The following CPA4 variants were observed in gnomAD, a reference collection of about 807,000 sequenced individuals.
CPA4 encodes the protein carboxypeptidase A4, also known as carboxypeptidase A3.
A neutral mutation model predicts 54.7 loss-of-function variants in CPA4; 49 were observed. The ratio of observed to expected loss-of-function variants is 0.90; its 90% CI spans 0.71 to 1.14. CPA4 has a LOEUF of 1.14. CPA4 is among the 50% of genes most tolerant of loss of function. CPA4 has a pLI of 0.00. For missense variants in CPA4, 487 were observed against 525.1 expected, an observed-to-expected ratio of 0.93 and a Z score of 0.71; for synonymous variants, 215 against 206.8, an observed-to-expected ratio of 1.04 and a Z score of -0.34.
intron 1 of CPA4, among the ~76,000 whole-genome samples, chr7:130,297,342 C>A (rs76598933): frequency 6.6e-6 from 1 of 152,118 alleles, no homozygotes; most frequent in African/African-American, 2.4e-5. Context: ...CTTCCCAGGG[C>A]GGTAGGTCCA....
At position 130,310,702 on chromosome 7, in the gene CPA4, T is replaced by C. The variant is rs1025194591; in HGVS notation, c.794-85T>C. On this transcript the variant is annotated intron_variant, in intron 8 of 10. Transcript: ENST00000222482. The surrounding 1 kb of genome is among the most constrained non-coding windows in gnomAD (Gnocchi z 4.3). ...CCATGGCCTGCCCATTCCCAATACC[T>C]TCGGCCCCTCTCTAGGTGGAGCGTC... 1 of 1,306,480 alleles carries C rather than the reference T, an allele frequency of 7.7e-7. No individual in the cohort carries two copies. Among genetic ancestry groups the C allele is most frequent in the African/African-American group, 1.4e-5 (1 of 68,994 alleles). The allele number at this position is 1,306,480 out of a possible 1,614,324, so 80.9% of individuals were successfully genotyped here. A position where few individuals can be genotyped will look rare whatever the true frequency, so the allele number is the denominator to read the frequency against.
At chr7:130,306,097 G>A (rs190768992) in intron 6 of CPA4, 177 bp downstream of exon 6, 19 of 604,908 alleles carry the variant, frequency 3.1e-5, no homozygotes, top group African/African-American at 7.4e-5. Flanking sequence ...AGCTCACTGC[G>A]GCCAAATTGA....
intron 4 of CPA4, among the ~76,000 whole-genome samples, chr7:130,302,037 C>T (rs879813565): frequency 4.6e-5 from 7 of 152,222 alleles, no homozygotes; most frequent in Admixed American, 1.3e-4. Flanking sequence ...GCCTCACTGT[C>T]TCACTGGCTT....
In CPA4 at chr7:130,310,118, A is replaced by G. The variant is rs1793888150; in HGVS notation, c.794-669A>G. 1.3e-5 allele frequency among the ~76,000 whole-genome samples: 2 copies of G among 152,214 alleles called. No individual in the cohort carries two copies. Among genetic ancestry groups the G allele is most frequent in the African/African-American group, 4.8e-5 (2 of 41,454 alleles). On this transcript the variant is annotated intron_variant, in intron 8 of 10. Coordinates refer to ENST00000222482, the MANE Select transcript of CPA4 (RefSeq NM_016352.4). The surrounding 1 kb of genome is among the most constrained non-coding windows in gnomAD (Gnocchi z 4.3). ...TTTTACTTGTATAGAAATACCACAC[A>G]AACCATTGGGGGAAAATAATGACTG...
At chr7:130,303,302 A>T (rs1021104541) in intron 4 of CPA4, among the ~76,000 whole-genome samples, 1 of 152,310 alleles carries the variant, frequency 6.6e-6, no homozygotes, top group South Asian at 2.1e-4. Context: ...CCGTTTATTT[A>T]CCTTTCTTCA....
chr7:130,304,891 G>A (rs181967575), intron 5 of CPA4, among the ~76,000 whole-genome samples: 1 of 152,280 alleles, frequency 6.6e-6, no homozygotes, highest in African/African-American at 2.4e-5. Context: ...TAAATAGCAG[G>A]ACAGGTTGGG....
chr7:130,314,415 G>A (rs1287158587), intron 10 of CPA4, among the ~76,000 whole-genome samples: 1 of 152,222 alleles, frequency 6.6e-6, no homozygotes, highest in Non-Finnish European at 1.5e-5. Flanking sequence ...TGACCAGGGT[G>A]TCAGCTCTTT....
chr7:130,322,269 G>A lies in CPA4; in HGVS notation c.1079-220G>A, dbSNP rs549870201. 1.3e-5 allele frequency among the ~76,000 whole-genome samples: 2 copies of A among 152,256 alleles called. 1 individual carries two copies. Among genetic ancestry groups the A allele is most frequent in the South Asian group, 4.2e-4 (2 of 4,818 alleles). ...GCGTTAGTAATAAGGTGGGAGTAGG[G>A]GTTTCAGATCTCTTGATTTGAGACC... On this transcript the variant is annotated intron_variant, in intron 10 of 10. Transcript: ENST00000222482.
chr7:130,303,730 A>C (rs1793774257), intron 4 of CPA4, among the ~76,000 whole-genome samples: 1 of 151,298 alleles, frequency 6.6e-6, no homozygotes, highest in Non-Finnish European at 1.5e-5. Context: ...CCAGGCTTGA[A>C]CAATTCTCCC....
intron 4 of CPA4, among the ~76,000 whole-genome samples, chr7:130,303,706 G>A (rs1410752114): frequency 2.6e-5 from 4 of 151,550 alleles, no homozygotes. Flanking sequence ...GTGGCTCACT[G>A]TAGCCTAAAC....
intron 4 of CPA4, among the ~76,000 whole-genome samples, chr7:130,301,905 C>A (rs977768908): frequency 6.6e-6 from 1 of 152,194 alleles, no homozygotes; most frequent in African/African-American, 2.4e-5. Flanking sequence ...TCAGAGCCCA[C>A]ACAGGGATCA....
At chr7:130,307,241 G>GA (rs72406904) in intron 7 of CPA4, among the ~76,000 whole-genome samples, 14 of 149,282 alleles carry the variant, frequency 9.4e-5, no homozygotes, top group Admixed American at 2.7e-4. Context: ...ACTGACGATA[G>GA]AAAAAAAAAA....
intron 4 of CPA4, among the ~76,000 whole-genome samples, chr7:130,301,220 C>A (rs1793734411): frequency 6.6e-6 from 1 of 152,146 alleles, no homozygotes; most frequent in South Asian, 2.1e-4. Context: ...CTTCTTCTAC[C>A]CTACCATAAT....
chr7:130,302,211 G>C lies in CPA4; in HGVS notation c.384+1297G>C, dbSNP rs1029444824. ...CTAAAGAACTCGTATTCTAGGCTGGGCATGGTGGCTCACACCTGTAATCCC... is the reference window on the plus strand; with the variant it reads ...CTAAAGAACTCGTATTCTAGGCTGGCCATGGTGGCTCACACCTGTAATCCC... On this transcript the variant is annotated intron_variant, in intron 4 of 10. Coordinates refer to ENST00000222482, the MANE Select transcript of CPA4 (RefSeq NM_016352.4). Among the ~76,000 whole-genome samples, 8 of 152,294 alleles carry C rather than the reference G, an allele frequency of 5.3e-5. No individual in the cohort carries two copies. In the South Asian group the frequency reaches 6.2e-4, roughly 12 times the overall value.
At chr7:130,308,436 C>G (rs773385374) in intron 8 of CPA4, 39 bp downstream of exon 8, 1 of 1,519,896 alleles carries the variant, frequency 6.6e-7, no homozygotes, top group South Asian at 1.1e-5. Context: ...CCTGCTGTCC[C>G]TGGGCTCGCC....
At position 130,322,716 on chromosome 7, in the gene CPA4, C is replaced by G. The variant is rs138112014; in HGVS notation, c.*40C>G. The G allele has an allele frequency of 3.9e-3, 6,096 of 1,568,834 alleles. 30 individuals carry two copies. The highest frequency in any genetic ancestry group is 4.3e-3 in the Non-Finnish European group (4,978 of 1,152,968). On this transcript the variant is annotated 3_prime_UTR_variant, in exon 11 of 11. Transcript: ENST00000222482. ...CTGTCTACATTTATTTGTACCCACA[C>G]GTGCACGCACTGAGGCCATTGTTAA...
At chr7:130,293,449 A>G in intron 1 of CPA4, 1 of 557,934 alleles carries the variant, frequency 1.8e-6, no homozygotes, top group Non-Finnish European at 3.2e-6. Context: ...CTAGATGATC[A>G]TTGCAGTCTC....
chr7:130,315,707 C>CAATTT (rs1306468080), intron 10 of CPA4, among the ~76,000 whole-genome samples: 10 of 152,258 alleles, frequency 6.6e-5, no homozygotes, highest in Admixed American at 5.9e-4. Flanking sequence ...AGAAATTGAA[C>CAATTT]CTTGTTTACT....
At chr7:130,311,887 G>A (rs762956360) in intron 9 of CPA4, 151 bp from the exon 10 acceptor site, 9 of 623,874 alleles carry the variant, frequency 1.4e-5, no homozygotes, top group Non-Finnish European at 2.3e-5. Flanking sequence ...GTTTACAGTT[G>A]GGCCTTGGCA....
Sources: allele counts gnomAD v4.1 joint callset (sites outside exome capture counted in the v4.1 genomes callset), GRCh38; gene constraint gnomAD v4.1.1; non-coding constraint Gnocchi (gnomAD v3.1); transcripts MANE v1.5; gene names NCBI Gene and HGNC (gene_info 2026-07-23, HGNC 2026-07-21).